Variants in LRP1B observed in about 807,000 individuals in gnomAD.
The protein encoded by LRP1B is LDL receptor related protein 1B.
LRP1B carries 217 observed loss-of-function variants against 556.6 expected under a neutral mutation model. The ratio of observed to expected loss-of-function variants is 0.39; its 90% CI spans 0.35 to 0.44. The LOEUF is 0.44. Ranked by LOEUF, LRP1B falls within the 20% of genes least tolerant of loss-of-function variation. The pLI is 1.00. For missense variants in LRP1B, 5,053 were observed against 5,620.8 expected (o/e 0.90, Z 3.23); for synonymous variants, 2,047 against 1,865.8 (o/e 1.10, Z -2.50).
chr2:142,043,422 T>C (rs1574626154), intron 1 of LRP1B, among the ~76,000 whole-genome samples: 1 of 151,534 alleles, frequency 6.6e-6, no homozygotes, highest in Admixed American at 6.6e-5. Flanking sequence ...TATTCAAAGG[T>C]GACATTTCAT....
At chr2:140,549,057 C>A (rs368643922) in intron 43 of LRP1B, among the ~76,000 whole-genome samples, 35 of 152,246 alleles carry the variant, frequency 2.3e-4, no homozygotes, top group African/African-American at 7.5e-4. Flanking sequence ...ATTACCCTCC[C>A]ATATGAGCAA....
At chr2:140,981,091 T>A (rs1302440020) in intron 18 of LRP1B, among the ~76,000 whole-genome samples, 2 of 150,310 alleles carry the variant, frequency 1.3e-5, no homozygotes, top group Admixed American at 6.7e-5. Flanking sequence ...GGGGACTTGG[T>A]GGGGGGAAAG....
rs915793293 is a variant in LRP1B at position 140,445,508 on chromosome 2, G to A, written c.10058-829C>T. Among the ~76,000 whole-genome samples, 9 of 151,846 alleles carry A rather than the reference G, an allele frequency of 5.9e-5. No homozygotes were observed. In the East Asian group the frequency reaches 9.7e-4, roughly 16 times the overall value. ...TTATCGATATTCATCCCTATAATCC[G>A]ATTATTATACAAGAGAACAATATCT... On this transcript the variant is annotated intron_variant, in intron 63 of 90. Coordinates refer to ENST00000389484, the MANE Select transcript of LRP1B (RefSeq NM_018557.3).
At chr2:140,656,602 T>G (rs769186289) in intron 41 of LRP1B, among the ~76,000 whole-genome samples, 5 of 152,200 alleles carry the variant, frequency 3.3e-5, no homozygotes, top group Non-Finnish European at 7.4e-5. Context: ...TCGAAACTAC[T>G]GCTTTTAAAC....
chr2:140,918,327 T>C (rs982847200), intron 21 of LRP1B, among the ~76,000 whole-genome samples: 1 of 152,118 alleles, frequency 6.6e-6, no homozygotes, highest in South Asian at 2.1e-4. Flanking sequence ...TTGGTGTACA[T>C]GGAAGAGTAT....
At chr2:140,311,296 T>G (rs1684289914) in intron 83 of LRP1B, among the ~76,000 whole-genome samples, 1 of 151,822 alleles carries the variant, frequency 6.6e-6, no homozygotes, top group Admixed American at 6.6e-5. Flanking sequence ...AGCGAATGAC[T>G]GACTGGATAA....
At chr2:141,205,415 A>G (rs1308634524) in intron 6 of LRP1B, among the ~76,000 whole-genome samples, 3 of 152,328 alleles carry the variant, frequency 2.0e-5, no homozygotes, top group African/African-American at 7.2e-5. Flanking sequence ...GAGAGTCCCA[A>G]AATAGAAGCT....
At chr2:141,108,587 T>TCATCCACC (rs2104959253) in intron 7 of LRP1B, among the ~76,000 whole-genome samples, 1 of 152,100 alleles carries the variant, frequency 6.6e-6, no homozygotes, top group South Asian at 2.1e-4. Context: ...TGACCTCAGG[T>TCATCCACC]CATCCACCCA....
chr2:140,515,452 C>A (rs72617076), intron 50 of LRP1B, among the ~76,000 whole-genome samples: 33,025 of 151,846 alleles, frequency 0.22, 4,478 homozygotes, highest in East Asian at 0.59. Context: ...TTATTGCTCT[C>A]CTCCATTCCC....
intron 1 of LRP1B, among the ~76,000 whole-genome samples, chr2:141,990,794 GCTGA>G (rs773657627): frequency 1.3e-5 from 2 of 151,968 alleles, no homozygotes; most frequent in African/African-American, 2.4e-5. Flanking sequence ...GTTATACTAA[GCTGA>G]CTGTCATTCT....
At chr2:141,061,972 A>G (rs1386237769) in intron 8 of LRP1B, 79 bp downstream of exon 8, 5 of 1,148,278 alleles carry the variant, frequency 4.4e-6, no homozygotes, top group Non-Finnish European at 6.5e-6. Context: ...TTTACAAGAA[A>G]TTTTCAGTAT....
chr2:140,567,144 C>T (rs1226213383), intron 43 of LRP1B, among the ~76,000 whole-genome samples: 1 of 152,138 alleles, frequency 6.6e-6, no homozygotes, highest in Non-Finnish European at 1.5e-5. Flanking sequence ...TTCCCTAAAG[C>T]TCGACTAGAC....
chr2:141,279,570 T>C (rs1685433457), intron 3 of LRP1B, among the ~76,000 whole-genome samples: 1 of 152,098 alleles, frequency 6.6e-6, no homozygotes, highest in African/African-American at 2.4e-5. Flanking sequence ...ATTTCTCCAG[T>C]ACCCCCAGGG....
At chr2:140,287,085 C>T (rs1389165058) in intron 84 of LRP1B, among the ~76,000 whole-genome samples, 1 of 151,816 alleles carries the variant, frequency 6.6e-6, no homozygotes. Context: ...TGCATCTTCA[C>T]CTCTAAAACC....
intron 3 of LRP1B, among the ~76,000 whole-genome samples, chr2:141,319,307 G>GTTTTTTTTTT (rs1370500448): frequency 1.1e-5 from 1 of 88,786 alleles, no homozygotes; most frequent in Non-Finnish European, 2.1e-5. Context: ...GTGTTTTTTT[G>GTTTTTTTTTT]TTGTTTTTTT....
rs1688880851 is a variant in LRP1B at position 140,495,462 on chromosome 2, T to C, written c.9034+103A>G. On this transcript the variant is annotated intron_variant, in intron 56 of 90. Coordinates refer to ENST00000389484, the MANE Select transcript of LRP1B (RefSeq NM_018557.3). ...GGGAAGTAGAGAAGAATTTTGATTTTTCAGAAGCATCAAGGAGGAGTGAAT... is the reference window on the plus strand; with the variant it reads ...GGGAAGTAGAGAAGAATTTTGATTTCTCAGAAGCATCAAGGAGGAGTGAAT... 4.7e-6 allele frequency: 5 copies of C among 1,063,932 alleles called. No homozygotes were observed. In the South Asian group the frequency reaches 1.1e-4, roughly 23 times the overall value. The allele number at this position is 1,063,932 out of a possible 1,614,324, so 65.9% of individuals were successfully genotyped here.
intron 41 of LRP1B, among the ~76,000 whole-genome samples, chr2:140,690,112 G>T (rs1686185491): frequency 6.6e-6 from 1 of 151,274 alleles, no homozygotes; most frequent in African/African-American, 2.4e-5. Flanking sequence ...CCTTCTTAAA[G>T]GTGTCCCCCT....
intron 2 of LRP1B, among the ~76,000 whole-genome samples, chr2:141,694,588 T>C (rs1691665412): frequency 6.6e-6 from 1 of 151,590 alleles, no homozygotes; most frequent in African/African-American, 2.4e-5. Flanking sequence ...TCCCCATGAT[T>C]AGGAAATCTC....
At chr2:140,752,234 A>AAAAC (rs778025066) in intron 35 of LRP1B, among the ~76,000 whole-genome samples, 1 of 152,140 alleles carries the variant, frequency 6.6e-6, no homozygotes, top group Non-Finnish European at 1.5e-5. Context: ...GAATTACTTG[A>AAAAC]AAACAAACAA....
Sources: gnomAD v4.1 joint callset for allele counts (sites outside exome capture counted in the v4.1 genomes callset) on GRCh38, gnomAD v4.1.1 for gene constraint, MANE v1.5 for transcripts, NCBI Gene and HGNC (gene_info 2026-07-23, HGNC 2026-07-21) for gene names.